Variants in SAE1 observed in about 807,000 individuals in gnomAD.
The protein encoded by SAE1 is SUMO1 activating enzyme subunit 1, also known as SUMO-activating enzyme subunit 1.
A neutral mutation model predicts 40.6 loss-of-function variants in SAE1; 11 were observed. That is an observed-to-expected ratio of 0.27 (90% CI 0.17 to 0.45). SAE1 has a LOEUF of 0.45. SAE1 is among the 20% of genes least tolerant of loss of function. SAE1 has a pLI of 1.00. For missense variants in SAE1, 373 were observed against 427.3 expected, an observed-to-expected ratio of 0.87 and a Z score of 1.12; for synonymous variants, 155 against 154.3, an observed-to-expected ratio of 1.00 and a Z score of -0.03.
At chr19:47,169,957 G>T in intron 6 of SAE1, 34 bp downstream of exon 6, 1 of 1,517,788 alleles carries the variant, frequency 6.6e-7, no homozygotes, top group Non-Finnish European at 9.2e-7. Flanking sequence ...CCCCGGGAGA[G>T]CTTTTGGCTC....
chr19:47,143,461 T>G, intron 1 of SAE1, 33 bp from the exon 2 acceptor site: 1 of 1,524,488 alleles, frequency 6.6e-7, no homozygotes, highest in Non-Finnish European at 9.1e-7. Context: ...CTCACTGTTC[T>G]GTATCATCAG....
intron 5 of SAE1, among the ~76,000 whole-genome samples, chr19:47,158,464 C>T (rs951076341): frequency 1.3e-5 from 2 of 152,150 alleles, no homozygotes; most frequent in African/African-American, 4.8e-5. Flanking sequence ...CACTGACATG[C>T]AGGAGCCAGA....
intron 1 of SAE1, among the ~76,000 whole-genome samples, chr19:47,135,969 A>G (rs1445084820): frequency 6.6e-6 from 1 of 151,286 alleles, no homozygotes; most frequent in Non-Finnish European, 1.5e-5. Context: ...ACGCCCGGCT[A>G]ATTTCTGTAT....
In SAE1 at chr19:47,169,510, G is replaced by GTTGGGA. The variant is rs1209131523; in HGVS notation, c.628-305_628-300dup. Among the ~76,000 whole-genome samples, 5 of 152,278 alleles carry GTTGGGA rather than the reference G, an allele frequency of 3.3e-5. 1 individual carries two copies. Among genetic ancestry groups the GTTGGGA allele is most frequent in the Admixed American group, 2.0e-4 (3 of 15,284 alleles). On this transcript the variant is annotated intron_variant, in intron 5 of 8. Coordinates refer to ENST00000270225, the MANE Select transcript of SAE1 (RefSeq NM_005500.3). ...ATCCGCCTGCCTCGGTCTCCAAAGT[G>GTTGGGA]TTGGGATTACAGGTGTGACCCACCG...
At chr19:47,133,279 A>G (rs902106462) in intron 1 of SAE1, among the ~76,000 whole-genome samples, 3 of 152,180 alleles carry the variant, frequency 2.0e-5, no homozygotes, top group Non-Finnish European at 4.4e-5. Context: ...GTGCAATGGC[A>G]CGATCTCGGC....
At chr19:47,157,096 A>G (rs1282259367) in intron 5 of SAE1, among the ~76,000 whole-genome samples, 1 of 152,216 alleles carries the variant, frequency 6.6e-6, no homozygotes, top group Non-Finnish European at 1.5e-5. Flanking sequence ...AGAAAACCAC[A>G]AAAGTGGAAC....
Position 47,175,107 on chromosome 19 carries a change from A to ATTTT in SAE1, c.733+5205_733+5208dup, listed in dbSNP as rs916783073. 7.2e-4 allele frequency among the ~76,000 whole-genome samples: 66 copies of ATTTT among 91,704 alleles called. 1 individual carries two copies. The highest frequency in any genetic ancestry group is 1.2e-3 in the African/African-American group (28 of 24,164). The allele number at this position is 91,704 out of a possible 152,430, so 60.2% of individuals were successfully genotyped here. A position where few individuals can be genotyped will look rare whatever the true frequency, so the allele number is the denominator to read the frequency against. On this transcript the variant is annotated intron_variant, in intron 6 of 8. Transcript: ENST00000270225. ...TGGAAATAATTTAAAAGTGGCCTTG[A>ATTTT]TTTTTTTTTTTTTTTTTTTTTTTTG... is the stretch of plus-strand genomic sequence containing the variant.
Position 47,197,282 on chromosome 19 carries a change from A to G in SAE1, c.783A>G (p.Thr261=). Residue 261 remains threonine (T), a synonymous_variant, in exon 7 of 9, where the codon ACA becomes ACG. Transcript: ENST00000270225. The part of the protein sequence containing the change: ...TDKGRDPSSD[T]YEEDSELLLQ... ...AAGGAAGAGATCCCAGTTCTGATAC[A>G]TATGAGGAAGATTCTGAGTTGTTGC... The G allele has an allele frequency of 1.9e-6, 3 of 1,614,058 alleles. No individual in the cohort carries two copies. The highest frequency in any genetic ancestry group is 2.5e-6 in the Non-Finnish European group (3 of 1,179,926).
intron 8 of SAE1, among the ~76,000 whole-genome samples, chr19:47,207,896 T>G (rs1166858369): frequency 6.6e-6 from 1 of 152,054 alleles, no homozygotes; most frequent in Non-Finnish European, 1.5e-5. Flanking sequence ...TCGGCCTCCC[T>G]AAGTGCTGGG....
intron 1 of SAE1, among the ~76,000 whole-genome samples, chr19:47,141,087 C>T (rs1259108856): frequency 1.3e-5 from 2 of 152,024 alleles, no homozygotes; most frequent in Admixed American, 6.6e-5. Context: ...CTGCAACCTC[C>T]GCCTCCCAGG....
rs540256682 is a variant in SAE1 at position 47,160,546 on chromosome 19, C to T, written c.627+5333C>T. ...AGTAGCTGGGACTACAGATGCCCGC[C>T]GCCATGCCCGACTAATTTTTTTGTA... On this transcript the variant is annotated intron_variant, in intron 5 of 8. Coordinates refer to ENST00000270225, the MANE Select transcript of SAE1 (RefSeq NM_005500.3). 3.4e-4 allele frequency among the ~76,000 whole-genome samples: 52 copies of T among 152,018 alleles called. 1 individual carries two copies. In the East Asian group the frequency reaches 8.5e-3, roughly 25 times the overall value.
chr19:47,146,147 G>A (rs569269500), intron 2 of SAE1, among the ~76,000 whole-genome samples: 17 of 152,170 alleles, frequency 1.1e-4, no homozygotes, highest in Admixed American at 1.1e-3. Context: ...GTAGTTTGGT[G>A]TTTTTAGAGT....
chr19:47,187,553 C>T (rs562147805), intron 6 of SAE1, among the ~76,000 whole-genome samples: 2 of 152,246 alleles, frequency 1.3e-5, no homozygotes, highest in East Asian at 1.9e-4. Context: ...GCCAGGGTCT[C>T]GCTTTGTCAC....
At chr19:47,197,527 A>G (rs1461979732) in intron 7 of SAE1, 150 bp downstream of exon 7, 5 of 514,424 alleles carry the variant, frequency 9.7e-6, no homozygotes, top group Non-Finnish European at 1.0e-5. Flanking sequence ...CCTCTCCACT[A>G]GAATAGCAAT....
intron 8 of SAE1, among the ~76,000 whole-genome samples, chr19:47,204,041 C>T: frequency 6.6e-6 from 1 of 152,074 alleles, no homozygotes; most frequent in Non-Finnish European, 1.5e-5. Flanking sequence ...GTCAGGGATT[C>T]TGCTTCTCAT....
At chr19:47,199,856 A>G (rs1442553238) in intron 7 of SAE1, among the ~76,000 whole-genome samples, 1 of 151,928 alleles carries the variant, frequency 6.6e-6, no homozygotes, top group Non-Finnish European at 1.5e-5. Flanking sequence ...AAGCCTGTAC[A>G]GTGTCATCAG....
At chr19:47,175,570 C>A (rs2058464224) in intron 6 of SAE1, among the ~76,000 whole-genome samples, 2 of 152,048 alleles carry the variant, frequency 1.3e-5, no homozygotes, top group South Asian at 4.1e-4. Flanking sequence ...AATCCCGTCT[C>A]TACTAAAAAA....
At chr19:47,184,019 AT>A (rs372214244) in intron 6 of SAE1, among the ~76,000 whole-genome samples, 3 of 151,524 alleles carry the variant, frequency 2.0e-5, no homozygotes, top group Non-Finnish European at 4.4e-5. Context: ...TGACTTTTAG[AT>A]TTTTTTTTCC....
Position 47,197,378 on chromosome 19 carries a change from G to T in SAE1, c.878+1G>T. On this transcript the variant is annotated splice_donor_variant, in intron 7 of 8. Coordinates refer to ENST00000270225, the MANE Select transcript of SAE1 (RefSeq NM_005500.3). LOFTEE classifies it high-confidence loss of function. ...ACCTGCTTCCTGAGGACTTTGTCAG[G>T]TTGGTGTCAGTATTTATCACTGTTT... 1 of 1,611,680 alleles carries T rather than the reference G, an allele frequency of 6.2e-7. No homozygotes were observed. Among genetic ancestry groups the T allele is most frequent in the Non-Finnish European group, 8.5e-7 (1 of 1,179,204 alleles).
Sources: gnomAD v4.1 joint callset for allele counts (sites outside exome capture counted in the v4.1 genomes callset) on GRCh38, gnomAD v4.1.1 for gene constraint, MANE v1.5 for transcripts, NCBI Gene and HGNC (gene_info 2026-07-23, HGNC 2026-07-21) for gene names.